The following PLK1 variants were observed in gnomAD, a reference collection of about 807,000 sequenced individuals.
The protein encoded by PLK1 is serine/threonine-protein kinase PLK1.
A neutral mutation model predicts 56.7 loss-of-function variants in PLK1; 6 were observed. The observed-to-expected ratio is 0.11, with a 90% CI of 0.06 to 0.21. The LOEUF is 0.21. Among genes scored for constraint, PLK1 ranks in the 10% least tolerant of loss-of-function variants. The pLI, the probability that PLK1 is intolerant of heterozygous loss-of-function variation, is 1.00. For synonymous variants in PLK1, 298 were observed against 325.0 expected, an observed-to-expected ratio of 0.92 and a Z score of 0.89; for missense variants, 546 against 814.4, an observed-to-expected ratio of 0.67 and a Z score of 4.01.
At chr16:23,685,897 T>A (rs1159483351) in intron 5 of PLK1, among the ~76,000 whole-genome samples, 1 of 152,144 alleles carries the variant, frequency 6.6e-6, no homozygotes, top group African/African-American at 2.4e-5. Flanking sequence ...TTTTTTTGCA[T>A]TTAATAATTG....
In PLK1 at chr16:23,681,649, G is replaced by A. The variant is rs572029942; in HGVS notation, c.723-415G>A. Among the ~76,000 whole-genome samples, 5 of 152,274 alleles carry A rather than the reference G, an allele frequency of 3.3e-5. No individual in the cohort carries two copies. The East Asian group carries it at 9.6e-4, about 29-fold the overall frequency. On this transcript the variant is annotated intron_variant, in intron 3 of 9. Coordinates refer to ENST00000300093, the MANE Select transcript of PLK1 (RefSeq NM_005030.6). ...AGAGTTAGAAATGAGTTGTAGCAAT[G>A]GCTTTCATACGTCTTTGCAGTGGGG... is the stretch of plus-strand genomic sequence containing the variant.
In PLK1 at chr16:23,688,769, G is replaced by A. The variant is rs1369644483; in HGVS notation, c.1270+24G>A. On this transcript the variant is annotated intron_variant, in intron 7 of 9. Coordinates refer to ENST00000300093, the MANE Select transcript of PLK1 (RefSeq NM_005030.6). ...TGGTAGGTTTCTTCCAGAACAGGTG[G>A]GTGACTCAGGCACAGCCAGGTGACC... 22 of 1,535,248 alleles carry A rather than the reference G, an allele frequency of 1.4e-5. No individual in the cohort carries two copies. The Admixed American group carries it at 3.7e-4, about 26-fold the overall frequency.
intron 5 of PLK1, among the ~76,000 whole-genome samples, chr16:23,685,394 T>TGGTA (rs1959409906): frequency 6.6e-6 from 1 of 152,082 alleles, no homozygotes; most frequent in Non-Finnish European, 1.5e-5. Context: ...TCCCCCTGCC[T>TGGTA]TACCCTCCAG....
chr16:23,683,542 G>A (rs935530374), intron 4 of PLK1, among the ~76,000 whole-genome samples: 1 of 152,162 alleles, frequency 6.6e-6, no homozygotes, highest in Non-Finnish European at 1.5e-5. Context: ...GTGAAAAAGG[G>A]ATGATAATAG....
rs1476284392 is a variant in PLK1 at position 23,682,989 on chromosome 16, T to TC, written c.816+832_816+833insC. On this transcript the variant is annotated intron_variant, in intron 4 of 9. Transcript: ENST00000300093. ...TGGCATAGTTGTGTGCATTTTCTTT[T>TC]TTTTTTTTTTTTTTTTTTTGAGATG... 5.7e-5 allele frequency among the ~76,000 whole-genome samples: 7 copies of TC among 123,016 alleles called. No homozygotes were observed. The East Asian group carries it at 8.5e-4, about 15-fold the overall frequency. 80.7% of individuals were successfully genotyped at this position (123,016 alleles called of 152,430 possible).
At chr16:23,680,296 G>A (rs765154758) in intron 2 of PLK1, 44 bp downstream of exon 2, 4 of 1,578,544 alleles carry the variant, frequency 2.5e-6, no homozygotes, top group Non-Finnish European at 3.5e-6. Flanking sequence ...CACTACAAGA[G>A]GCTGGAATTT....
intron 3 of PLK1, 90 bp downstream of exon 3, chr16:23,681,148 C>A: frequency 8.5e-7 from 1 of 1,174,542 alleles, no homozygotes; most frequent in Non-Finnish European, 1.2e-6. Flanking sequence ...GTGGACCTTT[C>A]GGCCTGCTTT....
At chr16:23,688,040 C>T (rs997456090) in intron 6 of PLK1, among the ~76,000 whole-genome samples, 2 of 152,180 alleles carry the variant, frequency 1.3e-5, no homozygotes, top group Admixed American at 1.3e-4. Flanking sequence ...TCTCCCTGGC[C>T]CCTCTGCTGG....
chr16:23,684,158 C>A, intron 5 of PLK1, 69 bp downstream of exon 5: 1 of 1,244,574 alleles, frequency 8.0e-7, no homozygotes, highest in Non-Finnish European at 1.2e-6. Context: ...GTGTGTGCAG[C>A]TTAGTCCCTG....
chr16:23,689,879 T>G lies in PLK1; in HGVS notation c.1628T>G (p.Leu543Trp). The G allele has an allele frequency of 1.2e-6, 2 of 1,614,028 alleles. No individual in the cohort carries two copies. Among genetic ancestry groups the G allele is most frequent in the Non-Finnish European group, 1.7e-6 (2 of 1,179,914 alleles). ...TTGCAGGATCACACCAAGCTCATCT[T>G]GTGCCCACTGATGGCAGCCGTGACC... ...NFFQDHTKLI[L>W]CPLMAAVTYI... is the part of the protein sequence containing the mutation. The change falls in exon 10 of 10, where the codon TTG (leucine) becomes TGG (tryptophan). Residue 543 changes from leucine (L) to tryptophan (W), a missense_variant. Physicochemically the swap from Leu to Trp is moderately conservative, Grantham distance 61 (BLOSUM62 -2). Transcript: ENST00000300093. The surrounding 1 kb of genome is among the most constrained non-coding windows in gnomAD (Gnocchi z 4.8).
chr16:23,683,813 A>G, intron 4 of PLK1, 57 bp from the exon 5 acceptor site: 1 of 1,345,102 alleles, frequency 7.4e-7, no homozygotes, highest in Middle Eastern at 1.8e-4. Flanking sequence ...TTGAGGCCGT[A>G]CTGTACTCCA....
chr16:23,683,807 G>T, intron 4 of PLK1, 63 bp from the exon 5 acceptor site: 1 of 1,286,566 alleles, frequency 7.8e-7, no homozygotes, highest in Non-Finnish European at 1.1e-6. Flanking sequence ...GCTCCTTTGA[G>T]GCCGTACTGT....
At chr16:23,681,095 A>T in intron 3 of PLK1, 37 bp downstream of exon 3, 1 of 1,594,786 alleles carries the variant, frequency 6.3e-7, no homozygotes, top group Non-Finnish European at 8.6e-7. Context: ...ACCTGGTCTC[A>T]GCAGGGGCAA....
Position 23,689,413 on chromosome 16 carries a change from G to T in PLK1, c.1425+21G>T. On this transcript the variant is annotated intron_variant, in intron 8 of 9. Coordinates refer to ENST00000300093, the MANE Select transcript of PLK1 (RefSeq NM_005030.6). The surrounding 1 kb of genome is among the most constrained non-coding windows in gnomAD (Gnocchi z 4.8). Reference sequence around the variant, plus strand: ...AGAAGGTGAGTGCCGTCCGGCCCATGGGGGGTGGTGTTGCAGAAGTGGGAC... The same window carrying T: ...AGAAGGTGAGTGCCGTCCGGCCCATTGGGGGTGGTGTTGCAGAAGTGGGAC... The T allele has an allele frequency of 6.2e-7, 1 of 1,602,144 alleles. No individual in the cohort carries two copies. Among genetic ancestry groups the T allele is most frequent in the South Asian group, 1.1e-5 (1 of 90,910 alleles).
intron 5 of PLK1, 48 bp from the exon 6 acceptor site, chr16:23,687,421 G>C (rs745894221): frequency 3.5e-6 from 5 of 1,441,390 alleles, no homozygotes; most frequent in Non-Finnish European, 4.6e-6. Flanking sequence ...GCTGTGGCAG[G>C]GGAGTCCCGT....
intron 5 of PLK1, among the ~76,000 whole-genome samples, chr16:23,686,887 A>G (rs1390550479): frequency 6.6e-6 from 1 of 152,222 alleles, no homozygotes; most frequent in Non-Finnish European, 1.5e-5. Flanking sequence ...TAAACATTTT[A>G]TATTATACAA....
intron 4 of PLK1, among the ~76,000 whole-genome samples, chr16:23,682,883 C>T (rs371097291): frequency 4.6e-5 from 7 of 151,768 alleles, no homozygotes; most frequent in South Asian, 4.1e-4. Flanking sequence ...GAGTTCCTGC[C>T]TTGGAGCACC....
At chr16:23,688,345 G>A (rs1338433486) in intron 6 of PLK1, among the ~76,000 whole-genome samples, 1 of 152,228 alleles carries the variant, frequency 6.6e-6, no homozygotes, top group Non-Finnish European at 1.5e-5. Context: ...GTGGAGGCTG[G>A]GGTTTTGTCT....
intron 1 of PLK1, 162 bp downstream of exon 1, chr16:23,679,502 T>G: frequency 1.6e-6 from 1 of 637,114 alleles, no homozygotes; most frequent in Non-Finnish European, 2.7e-6. Flanking sequence ...GTGTCTTTGG[T>G]AAGGGCTTCT....
Sources: gnomAD v4.1 joint callset for allele counts (sites outside exome capture counted in the v4.1 genomes callset) on GRCh38, gnomAD v4.1.1 for gene constraint, Gnocchi (gnomAD v3.1) non-coding constraint, MANE v1.5 for transcripts, NCBI Gene and HGNC (gene_info 2026-07-23, HGNC 2026-07-21) for gene names.